The following ATP8A2 variants were observed in gnomAD, a reference collection of about 807,000 sequenced individuals.
The protein encoded by ATP8A2 is ATPase phospholipid transporting 8A2.
Under a neutral mutation model 165.6 loss-of-function variants are expected in ATP8A2, and 100 were observed. The ratio of observed to expected loss-of-function variants is 0.60; its 90% CI spans 0.51 to 0.71. ATP8A2 has a LOEUF of 0.71. Among genes scored for constraint, ATP8A2 ranks in the 30% least tolerant of loss-of-function variants. ATP8A2 has a pLI of 0.00. For missense variants in ATP8A2, 1,227 were observed against 1,479.5 expected (o/e 0.83, Z 2.80); for synonymous variants, 543 against 548.8 (o/e 0.99, Z 0.15).
chr13:25,955,225 A>G (rs534280938), intron 33 of ATP8A2, among the ~76,000 whole-genome samples: 2 of 152,372 alleles, frequency 1.3e-5, no homozygotes, highest in Admixed American at 6.5e-5. Context: ...CTAGAGAAGC[A>G]AGAGCAAACA....
chr13:25,801,219 T>C (rs916197459), intron 27 of ATP8A2, among the ~76,000 whole-genome samples: 2 of 152,266 alleles, frequency 1.3e-5, no homozygotes, highest in African/African-American at 4.8e-5. Context: ...CAGTCTGCGC[T>C]CCCTCTTCTG....
At chr13:25,412,253 A>T (rs1283182914) in intron 1 of ATP8A2, among the ~76,000 whole-genome samples, 1 of 152,144 alleles carries the variant, frequency 6.6e-6, no homozygotes, top group African/African-American at 2.4e-5. Context: ...TTATTTAATG[A>T]TGGGCAGCAG....
intron 1 of ATP8A2, among the ~76,000 whole-genome samples, chr13:25,422,339 G>A (rs2034325025): frequency 6.6e-6 from 1 of 152,104 alleles, no homozygotes; most frequent in Non-Finnish European, 1.5e-5. Flanking sequence ...TGTTTGTAAG[G>A]CTTCATGTCA....
chr13:26,022,366 A>G lies in ATP8A2; in HGVS notation c.*2381A>G. ...TCTGTCTTGAACTTGAAGCCTTCCA[A>G]ATCAGAATTATGTATTTAAGTGTGT... is the stretch of plus-strand genomic sequence containing the variant. On this transcript the variant is annotated 3_prime_UTR_variant, in exon 37 of 37. Coordinates refer to ENST00000381655, the MANE Select transcript of ATP8A2 (RefSeq NM_016529.6). The G allele has an allele frequency of 6.6e-6, 1 of 152,200 alleles. No individual in the cohort carries two copies. The highest frequency in any genetic ancestry group is 2.4e-5 in the African/African-American group (1 of 41,458). The allele number at this position is 152,200 out of a possible 1,614,324, so 9.4% of individuals were successfully genotyped here. A position where few individuals can be genotyped will look rare whatever the true frequency, so the allele number is the denominator to read the frequency against.
At position 26,022,735 on chromosome 13, in the gene ATP8A2, G is replaced by A. The variant is rs566922977; in HGVS notation, c.*2750G>A. 3 of 152,306 alleles carry A rather than the reference G, an allele frequency of 2.0e-5. No individual in the cohort carries two copies. The highest frequency in any genetic ancestry group is 7.2e-5 in the African/African-American group (3 of 41,548). The allele number at this position is 152,306 out of a possible 1,614,324, so 9.4% of individuals were successfully genotyped here. ...GAGTGTCACACACAACCCCTCCCCT[G>A]GGGCAGGGTGGACTGGACTAGGTTG... On this transcript the variant is annotated 3_prime_UTR_variant, in exon 37 of 37. Transcript: ENST00000381655.
In ATP8A2 at chr13:25,581,815, G is replaced by C. The variant is rs7335339; in HGVS notation, c.2008-4G>C. ...CTTTAACTGAGGATATTTTTTCAAT[G>C]TAGAATTTGCTGCTACTTGGAGCCA... On this transcript the variant is annotated splice_region_variant and splice_polypyrimidine_tract_variant and intron_variant, in intron 22 of 36. Coordinates refer to ENST00000381655, the MANE Select transcript of ATP8A2 (RefSeq NM_016529.6). The C allele has an allele frequency of 0.65, 1,041,010 of 1,611,646 alleles. 351,219 individuals are homozygous for C. The highest frequency in any genetic ancestry group is 0.7 in the Non-Finnish European group (823,190 of 1,178,474).
At chr13:25,871,011 G>T (rs7983722) in intron 33 of ATP8A2, among the ~76,000 whole-genome samples, 2 of 151,576 alleles carry the variant, frequency 1.3e-5, no homozygotes, top group African/African-American at 4.9e-5. Flanking sequence ...CCCTTCCCCC[G>T]TATACAATTT....
At chr13:25,548,768 A>G (rs2038729499) in intron 10 of ATP8A2, among the ~76,000 whole-genome samples, 3 of 152,222 alleles carry the variant, frequency 2.0e-5, no homozygotes, top group African/African-American at 4.8e-5. Context: ...ATAAAGGAAA[A>G]AGCTGCTGTG....
chr13:25,634,507 T>A (rs2041323097), intron 24 of ATP8A2, among the ~76,000 whole-genome samples: 1 of 152,180 alleles, frequency 6.6e-6, no homozygotes, highest in Non-Finnish European at 1.5e-5. Context: ...AAAAAATTTT[T>A]AAGTTTAATG....
intron 27 of ATP8A2, among the ~76,000 whole-genome samples, chr13:25,775,867 T>C (rs1389162724): frequency 2.0e-5 from 3 of 152,218 alleles, no homozygotes; most frequent in Non-Finnish European, 2.9e-5. Context: ...CTGACAATAC[T>C]GGGTTCAAAT....
intron 11 of ATP8A2, among the ~76,000 whole-genome samples, chr13:25,552,630 A>C (rs2038859420): frequency 6.6e-6 from 1 of 152,052 alleles, no homozygotes. Flanking sequence ...TGTATTTGTA[A>C]TTGTCAGGTA....
At chr13:25,878,666 G>A (rs1348885828) in intron 33 of ATP8A2, among the ~76,000 whole-genome samples, 1 of 151,970 alleles carries the variant, frequency 6.6e-6, no homozygotes, top group Non-Finnish European at 1.5e-5. Context: ...GGGAATGCAA[G>A]CCCAGTAGGT....
chr13:25,474,096 TC>T (rs951527571), intron 2 of ATP8A2, among the ~76,000 whole-genome samples: 1 of 152,242 alleles, frequency 6.6e-6, no homozygotes, highest in African/African-American at 2.4e-5. Context: ...TTTGAATGAC[TC>T]ATTCATTTCA....
At chr13:25,892,260 G>A (rs535398051) in intron 33 of ATP8A2, among the ~76,000 whole-genome samples, 1 of 152,262 alleles carries the variant, frequency 6.6e-6, no homozygotes, top group Non-Finnish European at 1.5e-5. Context: ...ACAGGTGTGA[G>A]CCACTGCGCC....
chr13:25,551,643 G>T (rs2038828005), intron 11 of ATP8A2, 140 bp downstream of exon 11: 1 of 709,214 alleles, frequency 1.4e-6, no homozygotes, highest in Non-Finnish European at 2.2e-6. Context: ...CTTTCAAGGA[G>T]AATTGAGATT....
chr13:25,498,453 A>T (rs548112899), intron 2 of ATP8A2, among the ~76,000 whole-genome samples: 10 of 152,324 alleles, frequency 6.6e-5, no homozygotes, highest in Non-Finnish European at 1.5e-4. Context: ...GGTTATCATT[A>T]ATTCTCCAAT....
At chr13:25,726,661 TC>T (rs1288837448) in intron 25 of ATP8A2, among the ~76,000 whole-genome samples, 3 of 152,208 alleles carry the variant, frequency 2.0e-5, no homozygotes, top group African/African-American at 7.2e-5. Flanking sequence ...CAATCTCAGA[TC>T]ATCTCCCCAC....
intron 24 of ATP8A2, among the ~76,000 whole-genome samples, chr13:25,647,721 T>G (rs1233915057): frequency 6.6e-6 from 1 of 152,044 alleles, no homozygotes; most frequent in Non-Finnish European, 1.5e-5. Flanking sequence ...GTTTCACTCT[T>G]GTTGCCCAGG....
chr13:25,872,632 A>G (rs1182780822), intron 33 of ATP8A2, among the ~76,000 whole-genome samples: 1 of 152,188 alleles, frequency 6.6e-6, no homozygotes, highest in East Asian at 1.9e-4. Context: ...TAGAGAGGGA[A>G]GGAAATAGGA....
Sources: allele counts gnomAD v4.1 joint callset (sites outside exome capture counted in the v4.1 genomes callset), GRCh38; gene constraint gnomAD v4.1.1; transcripts MANE v1.5; gene names NCBI Gene and HGNC (gene_info 2026-07-23, HGNC 2026-07-21).